CXorf58: variants seen among roughly 807,000 people sequenced by gnomAD.
CXorf58 encodes chromosome X open reading frame 58.
CXorf58 carries 24 observed loss-of-function variants against 26.0 expected under a neutral mutation model. That is an observed-to-expected ratio of 0.92 (90% CI 0.67 to 1.30). The LOEUF (loss-of-function observed/expected upper bound fraction) is 1.30. Among genes scored for constraint, CXorf58 ranks in the 50% most tolerant of loss-of-function variants. The pLI is 0.00. For missense variants in CXorf58, 236 were observed against 263.9 expected, an observed-to-expected ratio of 0.89 and a Z score of 0.73; for synonymous variants, 87 against 86.1, an observed-to-expected ratio of 1.01 and a Z score of -0.06.
chrX:23,928,644 G>A (rs1181368529), intron 6 of CXorf58, among the ~76,000 whole-genome samples: 1 of 111,175 alleles, frequency 9.0e-6, no homozygotes, highest in Non-Finnish European at 1.9e-5. Context: ...TATCTGTTAT[G>A]GTGAACTGTG....
chrX:23,924,779 C>T, intron 5 of CXorf58, among the ~76,000 whole-genome samples: 1 of 110,666 alleles, frequency 9.0e-6, no homozygotes, highest in Non-Finnish European at 1.9e-5. Flanking sequence ...CTAACCTGCA[C>T]ATTATGCACA....
intron 3 of CXorf58, among the ~76,000 whole-genome samples, chrX:23,914,737 T>C (rs1235087589): frequency 9.1e-6 from 1 of 110,000 alleles, no homozygotes; most frequent in East Asian, 2.9e-4. Flanking sequence ...AATACAAAAT[T>C]AGCCAGGCAT....
At chrX:23,917,334 CAAA>C (rs1188697974) in intron 5 of CXorf58, among the ~76,000 whole-genome samples, 2 of 88,298 alleles carry the variant, frequency 2.3e-5, no homozygotes, top group African/African-American at 8.7e-5. Flanking sequence ...GATTCTATCT[CAAA>C]AAAAAAAAAA....
At chrX:23,924,248 T>C (rs945850383) in intron 5 of CXorf58, among the ~76,000 whole-genome samples, 3 of 111,103 alleles carry the variant, frequency 2.7e-5, no homozygotes, top group Non-Finnish European at 5.7e-5. Flanking sequence ...CCATAAAATG[T>C]TGGAAATTAA....
intron 6 of CXorf58, among the ~76,000 whole-genome samples, chrX:23,928,557 T>C (rs1450183859): frequency 8.9e-6 from 1 of 111,791 alleles, no homozygotes; most frequent in East Asian, 2.8e-4. Context: ...ATTTTTCCAA[T>C]AGCATGTGCT....
At position 23,916,080 on chromosome X, in the gene CXorf58, T is replaced by C. The variant is rs935146392; in HGVS notation, c.312-137T>C. On this transcript the variant is annotated intron_variant, in intron 4 of 8. Transcript: ENST00000379211. ...TTACATCCTATGTGATCCATTTCATTACCAATTCTTTACATGCTCTGACAT... is the reference window on the plus strand; with the variant it reads ...TTACATCCTATGTGATCCATTTCATCACCAATTCTTTACATGCTCTGACAT... 8.9e-6 allele frequency: 4 copies of C among 449,527 alleles called. No homozygotes were observed. The African/African-American group carries it at 9.9e-5, about 11-fold the overall frequency. 37.0% of individuals were successfully genotyped at this position (449,527 alleles called of 1,213,427 possible).
intron 5 of CXorf58, among the ~76,000 whole-genome samples, chrX:23,922,149 C>T (rs1436030792): frequency 1.8e-5 from 2 of 109,783 alleles, no homozygotes; most frequent in African/African-American, 3.3e-5. Context: ...CCGAGGCAGG[C>T]GGATCACTTG....
chrX:23,908,034 G>A lies in CXorf58; in HGVS notation c.-316G>A. 5.0e-6 allele frequency: 1 copy of A among 200,877 alleles called. No individual in the cohort carries two copies. The highest frequency in any genetic ancestry group is 9.1e-6 in the Non-Finnish European group (1 of 109,715). 16.6% of individuals were successfully genotyped at this position (200,877 alleles called of 1,213,427 possible). A position where few individuals can be genotyped will look rare whatever the true frequency, so the allele number is the denominator to read the frequency against. On this transcript the variant is annotated 5_prime_UTR_variant, in exon 1 of 9. Transcript: ENST00000379211. ...GACGGTACGCGGAGGCGCGAGGAGG[G>A]AGGCGCCTGGCGTTGCCGCGGCGCT...
At chrX:23,921,858 C>T (rs913952351) in intron 5 of CXorf58, among the ~76,000 whole-genome samples, 10 of 109,640 alleles carry the variant, frequency 9.1e-5, no homozygotes, top group Non-Finnish European at 1.7e-4. Context: ...GCCACCATGC[C>T]TGGCTAATTT....
rs200668396 is a variant in CXorf58, at chrX:23,919,918, CTTG to C, written c.423+3596_423+3598del. On this transcript the variant is annotated intron_variant, in intron 5 of 8. Coordinates refer to ENST00000379211, the MANE Select transcript of CXorf58 (RefSeq NM_152761.3). ...TCTTGCAGACTTGTAGAAGTACTGC[CTTG>C]TTGTTCTTGGCTAAGATCCGGAAGA... Among the ~76,000 whole-genome samples the C allele has an allele frequency of 9.1e-3, 1,024 of 113,100 alleles. 14 individuals carry two copies. The highest frequency in any genetic ancestry group is 0.031 in the African/African-American group (978 of 31,206).
intron 6 of CXorf58, among the ~76,000 whole-genome samples, chrX:23,933,401 A>G (rs1360043971): frequency 1.8e-5 from 2 of 111,847 alleles, no homozygotes; most frequent in Non-Finnish European, 3.8e-5. Context: ...GATGATATAT[A>G]TTTGTATTTT....
rs982150036 is a variant in CXorf58 at position 23,927,018 on chromosome X, C to CA, written c.424-210dup. Among the ~76,000 whole-genome samples, 82 of 99,156 alleles carry CA rather than the reference C, an allele frequency of 8.3e-4. No homozygotes were observed. The East Asian group carries it at 9.5e-3, about 11-fold the overall frequency. The allele number at this position is 99,156 out of a possible 115,157, so 86.1% of individuals were successfully genotyped here. A position where few individuals can be genotyped will look rare whatever the true frequency, so the allele number is the denominator to read the frequency against. ...TAGGTGACAGAGCAAGACTCCGTTT[C>CA]AAAAAAAAAAACCTATGTAGATAAG... On this transcript the variant is annotated intron_variant, in intron 5 of 8. Transcript: ENST00000379211.
At chrX:23,916,470 C>A in intron 5 of CXorf58, 142 bp downstream of exon 5, 2 of 310,693 alleles carry the variant, frequency 6.4e-6, no homozygotes, top group Non-Finnish European at 1.1e-5. Context: ...TTTTTAAGCA[C>A]CATGTTTCAA....
At chrX:23,921,681 GT>G (rs1275809778) in intron 5 of CXorf58, among the ~76,000 whole-genome samples, 1 of 110,942 alleles carries the variant, frequency 9.0e-6, no homozygotes, top group African/African-American at 3.3e-5. Flanking sequence ...TTGTGTTTTT[GT>G]TTTTTGTTGT....
upstream of CXorf58, chrX:23,908,002 C>G (rs1384021405): frequency 3.6e-6 from 1 of 275,725 alleles, no homozygotes; most frequent in East Asian, 6.1e-5. Context: ...AGCGCCGGCT[C>G]TGTGTGGACG....
At chrX:23,921,244 G>T (rs1927860092) in intron 5 of CXorf58, among the ~76,000 whole-genome samples, 2 of 111,607 alleles carry the variant, frequency 1.8e-5, no homozygotes, top group South Asian at 7.4e-4. Context: ...TCATAATGCT[G>T]TATAATAACT....
intron 6 of CXorf58, 34 bp from the exon 7 acceptor site, chrX:23,935,162 G>A (rs1928263430): frequency 8.9e-7 from 1 of 1,119,839 alleles, no homozygotes; most frequent in South Asian, 1.9e-5. Flanking sequence ...CACCGCACCT[G>A]GCCAACTTAA....
At chrX:23,914,962 G>A (rs555903789) in intron 3 of CXorf58, among the ~76,000 whole-genome samples, 14 of 110,099 alleles carry the variant, frequency 1.3e-4, no homozygotes, top group Non-Finnish European at 1.9e-4. Context: ...GTGAAACCCC[G>A]TCTCTACTGA....
intron 3 of CXorf58, among the ~76,000 whole-genome samples, chrX:23,915,188 T>G (rs1455551070): frequency 8.9e-6 from 1 of 112,457 alleles, no homozygotes; most frequent in Admixed American, 9.4e-5. Flanking sequence ...AATGAGCTAA[T>G]GTATATAAGG....
Sources: gnomAD v4.1 joint callset for allele counts (sites outside exome capture counted in the v4.1 genomes callset) on GRCh38, gnomAD v4.1.1 for gene constraint, MANE v1.5 for transcripts, NCBI Gene and HGNC (gene_info 2026-07-23, HGNC 2026-07-21) for gene names.